EHBP1: variants seen among roughly 807,000 people sequenced by gnomAD.
EHBP1 encodes EH domain binding protein 1.
A neutral mutation model predicts 144.0 loss-of-function variants in EHBP1; 55 were observed. That is an observed-to-expected ratio of 0.38 (90% CI 0.31 to 0.48). The LOEUF (loss-of-function observed/expected upper bound fraction) is 0.48. Among genes scored for constraint, EHBP1 ranks in the 20% least tolerant of loss-of-function variants. The pLI, the probability that EHBP1 is intolerant of heterozygous loss-of-function variation, is 0.98. For missense variants in EHBP1, 1,200 were observed against 1,364.2 expected, an observed-to-expected ratio of 0.88 and a Z score of 1.90; for synonymous variants, 469 against 472.7, an observed-to-expected ratio of 0.99 and a Z score of 0.10.
At chr2:63,030,589 G>A (rs892595541) in intron 19 of EHBP1, among the ~76,000 whole-genome samples, 6 of 151,624 alleles carry the variant, frequency 4.0e-5, no homozygotes, top group African/African-American at 7.3e-5. Flanking sequence ...CCAGGTTCAC[G>A]CCATTCTCCT....
In EHBP1 at chr2:62,723,271, G is replaced by A. The variant is rs190046840; in HGVS notation, c.104+15976G>A. On this transcript the variant is annotated intron_variant, in intron 2 of 22. Coordinates refer to ENST00000431489, the MANE Select transcript of EHBP1 (RefSeq NM_001142616.3). The stretch of plus-strand genomic sequence containing the variant: ...GTCTTTTTTAATCTTTGTGATTTAA[G>A]GTCTATTTTGTCTGAAATTAGGATT... Among the ~76,000 whole-genome samples, 77 of 152,148 alleles carry A rather than the reference G, an allele frequency of 5.1e-4. 1 individual carries two copies. The highest frequency in any genetic ancestry group is 2.3e-3 in the South Asian group (11 of 4,814).
chr2:62,990,421 C>G (rs1193554958), intron 15 of EHBP1, among the ~76,000 whole-genome samples: 1 of 151,914 alleles, frequency 6.6e-6, no homozygotes, highest in Non-Finnish European at 1.5e-5. Flanking sequence ...ACATACAGTG[C>G]TTATATAAAT....
At chr2:62,943,688 T>C in intron 11 of EHBP1, 114 bp from the exon 12 acceptor site, 1 of 535,946 alleles carries the variant, frequency 1.9e-6, no homozygotes, top group Non-Finnish European at 3.2e-6. Flanking sequence ...TGCTGTGAAA[T>C]TGCTGGTTAC....
chr2:62,980,027 T>C (rs1183244597), intron 15 of EHBP1, among the ~76,000 whole-genome samples: 2 of 152,178 alleles, frequency 1.3e-5, no homozygotes, highest in Non-Finnish European at 2.9e-5. Context: ...AACCTACTTA[T>C]CTACTAAAAC....
In EHBP1 at chr2:63,040,142, T is replaced by TTA. The variant is rs1020975344; in HGVS notation, c.3277+1336_3277+1337dup. On this transcript the variant is annotated intron_variant, in intron 21 of 22. Transcript: ENST00000431489. The stretch of plus-strand genomic sequence containing the variant: ...GTAGACACAGCAAATACTATTTATA[T>TTA]TATATATATATGTATGTGTAATATA... 1.3e-4 allele frequency among the ~76,000 whole-genome samples: 20 copies of TTA among 150,140 alleles called. 1 individual carries two copies. In the South Asian group the frequency reaches 3.3e-3, roughly 25 times the overall value.
intron 5 of EHBP1, among the ~76,000 whole-genome samples, chr2:62,810,776 A>G (rs538707274): frequency 6.6e-6 from 1 of 152,366 alleles, no homozygotes; most frequent in South Asian, 2.1e-4. Flanking sequence ...AATGGAAGCT[A>G]AGTTTAAGAT....
chr2:62,752,628 G>A (rs1361490521), intron 3 of EHBP1, among the ~76,000 whole-genome samples: 1 of 152,102 alleles, frequency 6.6e-6, no homozygotes, highest in Non-Finnish European at 1.5e-5. Flanking sequence ...CTCTTTGTAG[G>A]TCTCTAAGGA....
chr2:62,980,841 A>AT (rs199657576), intron 15 of EHBP1, among the ~76,000 whole-genome samples: 2 of 147,572 alleles, frequency 1.4e-5, no homozygotes, highest in African/African-American at 4.9e-5. Context: ...ATATATTTTA[A>AT]TTTTTTTTCA....
intron 1 of EHBP1, among the ~76,000 whole-genome samples, chr2:62,681,340 G>GTGTGTATATATATATATATA (rs1171760462): frequency 8.5e-5 from 5 of 58,552 alleles, no homozygotes; most frequent in African/African-American, 3.4e-4. Context: ...ATGTGTGTGT[G>GTGTGTATATATATATATATA]TATATATATA....
chr2:62,766,152 A>C (rs1278523747), intron 4 of EHBP1, among the ~76,000 whole-genome samples: 1 of 152,178 alleles, frequency 6.6e-6, no homozygotes, highest in East Asian at 1.9e-4. Context: ...ATGAGTAAAC[A>C]GACATAAGAA....
chr2:62,808,587 A>T (rs1050181945), intron 5 of EHBP1, among the ~76,000 whole-genome samples: 2 of 152,158 alleles, frequency 1.3e-5, no homozygotes, highest in African/African-American at 4.8e-5. Flanking sequence ...TGGTCTGATT[A>T]TTCCACCATC....
chr2:62,887,265 A>G (rs1474076365), intron 10 of EHBP1, among the ~76,000 whole-genome samples: 2 of 152,094 alleles, frequency 1.3e-5, no homozygotes, highest in Non-Finnish European at 2.9e-5. Flanking sequence ...CAGTTGTGTT[A>G]CAGCTGAAAA....
intron 12 of EHBP1, 107 bp from the exon 13 acceptor site, chr2:62,948,153 T>C: frequency 1.0e-6 from 1 of 953,460 alleles, no homozygotes. Context: ...TGTGACATAA[T>C]GTCGATAACA....
At chr2:62,920,041 A>T (rs1410726538) in intron 10 of EHBP1, among the ~76,000 whole-genome samples, 1 of 152,166 alleles carries the variant, frequency 6.6e-6, no homozygotes, top group Non-Finnish European at 1.5e-5. Flanking sequence ...GGAGTGGAAA[A>T]GACAGAGAAA....
Position 62,925,551 on chromosome 2 carries a change from A to G in EHBP1, c.1186-17167A>G, listed in dbSNP as rs2055435521. 2.0e-5 allele frequency among the ~76,000 whole-genome samples: 3 copies of G among 152,222 alleles called. 1 individual carries two copies. The highest frequency in any genetic ancestry group is 2.0e-4 in the Admixed American group (3 of 15,284). Reference sequence around the variant, plus strand: ...CTAAAGACTGTACCAAATTACTCTTATAACTGATAAACGAGTTCAGTAAAG... The same window carrying G: ...CTAAAGACTGTACCAAATTACTCTTGTAACTGATAAACGAGTTCAGTAAAG... On this transcript the variant is annotated intron_variant, in intron 10 of 22. Transcript: ENST00000431489.
chr2:63,005,865 GA>G (rs2060016331), intron 19 of EHBP1, among the ~76,000 whole-genome samples: 1 of 151,982 alleles, frequency 6.6e-6, no homozygotes, highest in South Asian at 2.1e-4. Flanking sequence ...CCCTGCTTTA[GA>G]GGAGGTAAAA....
At chr2:62,688,123 A>AT (rs1304022571) in intron 1 of EHBP1, among the ~76,000 whole-genome samples, 1 of 152,186 alleles carries the variant, frequency 6.6e-6, no homozygotes, top group Non-Finnish European at 1.5e-5. Context: ...TTGGGCTCTG[A>AT]TTTTTGGTTT....
intron 19 of EHBP1, among the ~76,000 whole-genome samples, chr2:63,018,606 A>G (rs903887528): frequency 1.3e-5 from 2 of 152,178 alleles, no homozygotes; most frequent in Non-Finnish European, 2.9e-5. Flanking sequence ...TTTTTACTAT[A>G]TACAGTATTA....
chr2:62,836,756 G>C (rs1259751265), intron 7 of EHBP1, among the ~76,000 whole-genome samples: 2 of 143,112 alleles, frequency 1.4e-5, no homozygotes, highest in East Asian at 4.2e-4. Flanking sequence ...AAGATGAAAT[G>C]AATGAAATGA....
Sources: allele counts gnomAD v4.1 joint callset (sites outside exome capture counted in the v4.1 genomes callset), GRCh38; gene constraint gnomAD v4.1.1; transcripts MANE v1.5; gene names NCBI Gene and HGNC (gene_info 2026-07-23, HGNC 2026-07-21).